The following THBS1 variants were observed in gnomAD, a reference collection of about 807,000 sequenced individuals.
The protein encoded by THBS1 is thrombospondin 1.
Under a neutral mutation model 126.1 loss-of-function variants are expected in THBS1, and 29 were observed. The ratio of observed to expected loss-of-function variants is 0.23; its 90% CI spans 0.17 to 0.31. THBS1 has a LOEUF of 0.31. THBS1 is among the 10% of genes least tolerant of loss of function. The pLI is 1.00. For missense variants in THBS1, 1,198 were observed against 1,545.2 expected, an observed-to-expected ratio of 0.78 and a Z score of 3.77; for synonymous variants, 496 against 577.8, an observed-to-expected ratio of 0.86 and a Z score of 2.03.
intron 14 of THBS1, 130 bp from the exon 15 acceptor site, chr15:39,591,061 C>CA (rs1890316639): frequency 9.8e-7 from 1 of 1,018,874 alleles, no homozygotes; most frequent in Non-Finnish European, 1.4e-6. Context: ...ACTGAGTGAT[C>CA]AATTAGCCTA....
chr15:39,588,057 G>T lies in THBS1; in HGVS notation c.1310G>T (p.Gly437Val). The change falls in exon 9 of 22, where the codon GGC becomes GTC. Residue 437 changes from glycine (G) to valine (V), a missense_variant. Gly to Val is a moderately radical substitution (Grantham distance 109). This residue lies in a region of THBS1 where 663 missense variants were observed against 860.1 expected (regional missense o/e 0.77). Transcript: ENST00000260356. The part of the protein sequence containing the change: ...ECDKRFKQDG[G>V]WSHWSPWSSC... ...TGTACTTTAGTTAAACAGGATGGTG[G>T]CTGGAGCCACTGGTCCCCGTGGTCA... 1 of 1,614,006 alleles carries T rather than the reference G, an allele frequency of 6.2e-7. No individual in the cohort carries two copies. Among genetic ancestry groups the T allele is most frequent in the Non-Finnish European group, 8.5e-7 (1 of 1,179,932 alleles).
At chr15:39,581,639 C>CCCCTCTCTCTCTCTCT (rs1555384650) in intron 1 of THBS1, 190 bp from the exon 2 acceptor site, 1 of 339,452 alleles carries the variant, frequency 2.9e-6, no homozygotes, top group African/African-American at 2.8e-5. Context: ...CTTTCCTCCA[C>CCCCTCTCTCTCTCTCT]CTCTCTCTCT....
In THBS1 at chr15:39,592,088, G is replaced by A. The variant is rs1890338358; in HGVS notation, c.2532+465G>A. On this transcript the variant is annotated intron_variant, in intron 16 of 21. Coordinates refer to ENST00000260356, the MANE Select transcript of THBS1 (RefSeq NM_003246.4). This position sits in a 1 kb window ranked among gnomAD's most constrained non-coding sequence, Gnocchi z 4.3. ...TCCAAAACCAAAGTAATTTATCCCT[G>A]TCATAAACATTACCCAGACAGTATA... is the stretch of plus-strand genomic sequence containing the variant. Among the ~76,000 whole-genome samples the A allele has an allele frequency of 6.6e-6, 1 of 152,188 alleles. No homozygotes were observed. Among genetic ancestry groups the A allele is most frequent in the Non-Finnish European group, 1.5e-5 (1 of 68,036 alleles).
Position 39,595,400 on chromosome 15 carries a change from TA to T in THBS1, c.*34del, listed in dbSNP as rs1890416798. On this transcript the variant is annotated 3_prime_UTR_variant, in exon 22 of 22. Coordinates refer to ENST00000260356, the MANE Select transcript of THBS1 (RefSeq NM_003246.4). ...AAATTGTTGATTGAAAGACTGATCATAAACCAATGCTGGTATTGCACCTTCT... is the reference window on the plus strand; with the variant it reads ...AAATTGTTGATTGAAAGACTGATCATAACCAATGCTGGTATTGCACCTTCT... 1 of 1,504,378 alleles carries T rather than the reference TA, an allele frequency of 6.6e-7. No individual in the cohort carries two copies. Among genetic ancestry groups the T allele is most frequent in the Non-Finnish European group, 8.9e-7 (1 of 1,125,422 alleles). 93.2% of individuals were successfully genotyped at this position (1,504,378 alleles called of 1,614,324 possible).
At position 39,589,749 on chromosome 15, in the gene THBS1, A is replaced by G. The variant is rs1890289075; in HGVS notation, c.1927-56A>G. On this transcript the variant is annotated intron_variant, in intron 12 of 21. Coordinates refer to ENST00000260356, the MANE Select transcript of THBS1 (RefSeq NM_003246.4). The surrounding 1 kb of genome is among the most constrained non-coding windows in gnomAD (Gnocchi z 4.7). ...GACAGGGATCTGGATTCTTGTTTCC[A>G]TGATATCTGAGGATTCTCAAAAGCT... 6.6e-7 allele frequency: 1 copy of G among 1,505,056 alleles called. No homozygotes were observed. The highest frequency in any genetic ancestry group is 1.4e-5 in the South Asian group (1 of 73,972). The allele number at this position is 1,505,056 out of a possible 1,614,324, so 93.2% of individuals were successfully genotyped here.
intron 8 of THBS1, 79 bp downstream of exon 8, chr15:39,587,599 T>C (rs1890233843): frequency 7.1e-7 from 1 of 1,409,786 alleles, no homozygotes. Context: ...CCACAGCATG[T>C]ATATTAAGAA....
chr15:39,589,134 A>G lies in THBS1; in HGVS notation c.1773+48A>G. 3 of 1,613,004 alleles carry G rather than the reference A, an allele frequency of 1.9e-6. No homozygotes were observed. Among genetic ancestry groups the G allele is most frequent in the Non-Finnish European group, 2.5e-6 (3 of 1,179,026 alleles). On this transcript the variant is annotated intron_variant, in intron 11 of 21. Transcript: ENST00000260356. The surrounding 1 kb of genome is among the most constrained non-coding windows in gnomAD (Gnocchi z 4.7). ...AGTTTCTGGATCTAGGAAAGCAGCT[A>G]ACCTGTGCAGTCGCTTCCTTATGGC...
In THBS1 at chr15:39,593,742, C is replaced by T; in HGVS notation, c.3267+74C>T. On this transcript the variant is annotated intron_variant, in intron 19 of 21. Coordinates refer to ENST00000260356, the MANE Select transcript of THBS1 (RefSeq NM_003246.4). The surrounding 1 kb of genome is among the most constrained non-coding windows in gnomAD (Gnocchi z 5.9). ...TAGCACTGGGGATGCTGTGCTTTGA[C>T]CAAGACTCTGACCAGGGAGTCTTAG... The T allele has an allele frequency of 1.3e-6, 2 of 1,559,328 alleles. No individual in the cohort carries two copies. Among genetic ancestry groups the T allele is most frequent in the Non-Finnish European group, 1.7e-6 (2 of 1,153,294 alleles).
In THBS1 at chr15:39,592,872, C is replaced by G. The variant is rs925258878; in HGVS notation, c.2767+70C>G. 6.4e-7 allele frequency: 1 copy of G among 1,556,376 alleles called. No homozygotes were observed. Among genetic ancestry groups the G allele is most frequent in the Non-Finnish European group, 8.8e-7 (1 of 1,141,308 alleles). On this transcript the variant is annotated intron_variant, in intron 17 of 21. Transcript: ENST00000260356. The surrounding 1 kb of genome is among the most constrained non-coding windows in gnomAD (Gnocchi z 4.3). ...GCTGTGTAGATTGAAGAAATGAAAC[C>G]AAGGCTCAAAGCATTTGACAGGATG...
In THBS1 at chr15:39,588,607, T is replaced by G. The variant is rs749866851; in HGVS notation, c.1553T>G (p.Leu518Arg). 2 of 1,611,160 alleles carry G rather than the reference T, an allele frequency of 1.2e-6. No homozygotes were observed. The highest frequency in any genetic ancestry group is 2.2e-5 in the East Asian group (1 of 44,848). ...GGAGGGGTACAGAAACGTAGTCGTC[T>G]CTGCAACAACCCCACACCCCAGTTT... ...CGGGVQKRSR[L>R]CNNPTPQFGG... The change falls in exon 10 of 22, where the codon CTC becomes CGC. Residue 518 changes from leucine to arginine, a missense_variant. By Grantham distance (102) the Leu-to-Arg change is moderately radical. Coordinates refer to ENST00000260356, the MANE Select transcript of THBS1 (RefSeq NM_003246.4).
chr15:39,594,472 G>A lies in THBS1; in HGVS notation c.3505+32G>A. 6.2e-7 allele frequency: 1 copy of A among 1,609,502 alleles called. No homozygotes were observed. The highest frequency in any genetic ancestry group is 1.1e-5 in the South Asian group (1 of 89,948). On this transcript the variant is annotated intron_variant, in intron 21 of 21. Transcript: ENST00000260356. This position sits in a 1 kb window ranked among gnomAD's most constrained non-coding sequence, Gnocchi z 4.4. ...GCAACATCACCATGAATGTACACTG[G>A]ACATCTCTATTTCAGACTAATATCA...
Position 39,581,116 on chromosome 15 carries a change from C to T in THBS1, c.-142C>T, listed in dbSNP as rs1207610447. 4 of 152,842 alleles carry T rather than the reference C, an allele frequency of 2.6e-5. No homozygotes were observed. The South Asian group carries it at 7.8e-4, about 30-fold the overall frequency. The allele number at this position is 152,842 out of a possible 1,614,324, so 9.5% of individuals were successfully genotyped here. A position where few individuals can be genotyped will look rare whatever the true frequency, so the allele number is the denominator to read the frequency against. ...CGAGCTGGCCTGCGAGTTCAGGGCTCCTGTCGCTCTCCAGGAGCAACCTCT... is the reference window on the plus strand; with the variant it reads ...CGAGCTGGCCTGCGAGTTCAGGGCTTCTGTCGCTCTCCAGGAGCAACCTCT... On this transcript the variant is annotated 5_prime_UTR_variant, in exon 1 of 22. Coordinates refer to ENST00000260356, the MANE Select transcript of THBS1 (RefSeq NM_003246.4).
chr15:39,583,656 C>T lies in THBS1; in HGVS notation c.667C>T (p.Pro223Ser). ...QNVRFVFGTT[P>S]EDILRNKGCS... ...TGTGAGGTTTGTCTTTGGAACCACA[C>T]CAGAAGACATCCTCAGGAACAAAGG... Residue 223 changes from proline (P) to serine (S), a missense_variant, in exon 4 of 22, where the codon CCA becomes TCA. Pro to Ser is a moderately conservative substitution (Grantham distance 74). Around this residue, in one of 4 missense-constraint regions of THBS1, gnomAD observed 663 missense variants for 860.1 expected, o/e 0.77. Transcript: ENST00000260356. 6.2e-7 allele frequency: 1 copy of T among 1,613,780 alleles called. No homozygotes were observed. The highest frequency in any genetic ancestry group is 1.7e-4 in the Middle Eastern group (1 of 6,058).
chr15:39,595,483 C>A lies in THBS1; in HGVS notation c.*114C>A. 1 of 1,377,402 alleles carries A rather than the reference C, an allele frequency of 7.3e-7. No individual in the cohort carries two copies. Among genetic ancestry groups the A allele is most frequent in the East Asian group, 2.4e-5 (1 of 41,328 alleles). 85.3% of individuals were successfully genotyped at this position (1,377,402 alleles called of 1,614,324 possible). A position where few individuals can be genotyped will look rare whatever the true frequency, so the allele number is the denominator to read the frequency against. On this transcript the variant is annotated 3_prime_UTR_variant, in exon 22 of 22. Coordinates refer to ENST00000260356, the MANE Select transcript of THBS1 (RefSeq NM_003246.4). ...CACTTCTCCTTGGCTTCCTTCTTTT[C>A]TGTGCTTGCATCAGTGTGGACTCCT...
chr15:39,582,309 G>A lies in THBS1; in HGVS notation c.184G>A (p.Glu62Lys), dbSNP rs1236362449. 5 of 1,614,062 alleles carry A rather than the reference G, an allele frequency of 3.1e-6. No homozygotes were observed. Among genetic ancestry groups the A allele is most frequent in the Middle Eastern group, 1.6e-4 (1 of 6,084 alleles). ...PDPSSPAFRI[E>K]DANLIPPVPD... The stretch of plus-strand genomic sequence containing the variant: ...CCCTTCCAGCCCAGCTTTCCGCATC[G>A]AGGATGCCAACCTGATCCCCCCTGT... Residue 62 changes from glutamate to lysine, a missense_variant, in exon 3 of 22, where the codon GAG (glutamate) becomes AAG (lysine). By Grantham distance (56) the Glu-to-Lys change is moderately conservative (BLOSUM62 1). Coordinates refer to ENST00000260356, the MANE Select transcript of THBS1 (RefSeq NM_003246.4).
rs1437842451 is a variant in THBS1 at position 39,588,707 on chromosome 15, A to G, written c.1645+8A>G. On this transcript the variant is annotated splice_region_variant and intron_variant, in intron 10 of 21. Transcript: ENST00000260356. ...AGCAGGACTGTCCAATTGGTGAGCCACGCAGCCCAGGATGAAACGACCCAG... is the reference window on the plus strand; with the variant it reads ...AGCAGGACTGTCCAATTGGTGAGCCGCGCAGCCCAGGATGAAACGACCCAG... The G allele has an allele frequency of 6.4e-7, 1 of 1,564,250 alleles. No individual in the cohort carries two copies. The highest frequency in any genetic ancestry group is 2.3e-5 in the East Asian group (1 of 44,442).
chr15:39,588,851 C>A, intron 10 of THBS1, 108 bp from the exon 11 acceptor site: 1 of 1,596,142 alleles, frequency 6.3e-7, no homozygotes, highest in Non-Finnish European at 8.6e-7. Flanking sequence ...AACAAGTTAT[C>A]GGTTCCCTAT....
At chr15:39,585,147 G>C (rs1219503128) in intron 6 of THBS1, among the ~76,000 whole-genome samples, 1 of 152,142 alleles carries the variant, frequency 6.6e-6, no homozygotes, top group Non-Finnish European at 1.5e-5. Flanking sequence ...AATTTTCTGA[G>C]TTTGATTTCA....
In THBS1 at chr15:39,595,865, G is replaced by A. The variant is rs1271667061; in HGVS notation, c.*496G>A. 2.2e-6 allele frequency: 1 copy of A among 456,786 alleles called. No individual in the cohort carries two copies. The highest frequency in any genetic ancestry group is 6.9e-5 in the East Asian group (1 of 14,404). The allele number at this position is 456,786 out of a possible 1,614,324, so 28.3% of individuals were successfully genotyped here. A position where few individuals can be genotyped will look rare whatever the true frequency, so the allele number is the denominator to read the frequency against. On this transcript the variant is annotated 3_prime_UTR_variant, in exon 22 of 22. Coordinates refer to ENST00000260356, the MANE Select transcript of THBS1 (RefSeq NM_003246.4). ...CGCATACCCGAGACGATTGTATGAA[G>A]AAAATATGGAGGAACTGTTACATGT...
Sources: allele counts gnomAD v4.1 joint callset (sites outside exome capture counted in the v4.1 genomes callset), GRCh38; gene constraint gnomAD v4.1.1; regional missense constraint gnomAD v4.1.1; non-coding constraint Gnocchi (gnomAD v3.1); transcripts MANE v1.5; gene names NCBI Gene and HGNC (gene_info 2026-07-23, HGNC 2026-07-21).